PIP4K2A: variants seen among roughly 807,000 people sequenced by gnomAD.
The protein encoded by PIP4K2A is phosphatidylinositol-5-phosphate 4-kinase type 2 alpha, also known as phosphatidylinositol 5-phosphate 4-kinase type-2 alpha.
Under a neutral mutation model 42.9 loss-of-function variants are expected in PIP4K2A, and 14 were observed. The observed-to-expected ratio is 0.33, with a 90% CI of 0.22 to 0.51. The LOEUF (loss-of-function observed/expected upper bound fraction) is 0.51, where lower values mean the gene tolerates loss of function less well. PIP4K2A is among the 20% of genes least tolerant of loss of function. The pLI is 0.97. For synonymous variants in PIP4K2A, 192 were observed against 192.2 expected (o/e 1.00, Z 0.01); for missense variants, 434 against 519.8 (o/e 0.83, Z 1.61).
chr10:22,563,448 A>G (rs566527086), intron 6 of PIP4K2A, among the ~76,000 whole-genome samples: 1 of 152,388 alleles, frequency 6.6e-6, no homozygotes, highest in Non-Finnish European at 1.5e-5. Flanking sequence ...CTAACATAGT[A>G]TGGAAACAAA....
At chr10:22,550,481 C>A (rs141028548) in intron 7 of PIP4K2A, among the ~76,000 whole-genome samples, 178 bp downstream of exon 7, 1 of 152,126 alleles carries the variant, frequency 6.6e-6, no homozygotes, top group African/African-American at 2.4e-5. Context: ...AACTGGCATG[C>A]GTTTGCTTTA....
chr10:22,592,181 A>G (rs1414300300), intron 3 of PIP4K2A, among the ~76,000 whole-genome samples: 1 of 152,208 alleles, frequency 6.6e-6, no homozygotes, highest in African/African-American at 2.4e-5. Flanking sequence ...CGTGCCAAGC[A>G]TTTTGCACAG....
intron 1 of PIP4K2A, among the ~76,000 whole-genome samples, chr10:22,707,512 G>T (rs11013110): frequency 0.41 from 62,493 of 152,028 alleles, 16,013 homozygotes; most frequent in African/African-American, 0.73. Flanking sequence ...GGAAAAACTG[G>T]TTTTCAAGTA....
intron 1 of PIP4K2A, among the ~76,000 whole-genome samples, chr10:22,655,333 T>C (rs1351458027): frequency 6.6e-6 from 1 of 152,150 alleles, no homozygotes; most frequent in African/African-American, 2.4e-5. Context: ...ATGCACAAGA[T>C]GAGATCTTCA....
intron 1 of PIP4K2A, among the ~76,000 whole-genome samples, chr10:22,631,769 T>C (rs1838554573): frequency 6.6e-6 from 1 of 152,222 alleles, no homozygotes; most frequent in Non-Finnish European, 1.5e-5. Flanking sequence ...CAGCAATAAA[T>C]GTTCAATTTT....
intron 1 of PIP4K2A, among the ~76,000 whole-genome samples, chr10:22,675,710 T>A (rs1228881637): frequency 6.6e-6 from 1 of 152,156 alleles, no homozygotes. Flanking sequence ...CCTTAAATGA[T>A]CAATGTAGTA....
chr10:22,664,065 ATATATATATACG>A (rs1426658582), intron 1 of PIP4K2A, among the ~76,000 whole-genome samples: 18 of 86,372 alleles, frequency 2.1e-4, no homozygotes, highest in African/African-American at 7.1e-4. Flanking sequence ...ATATATACAT[ATATATATATACG>A]TATATATATA....
chr10:22,673,600 G>T (rs1160417104), intron 1 of PIP4K2A, among the ~76,000 whole-genome samples: 3 of 151,866 alleles, frequency 2.0e-5, no homozygotes, highest in African/African-American at 7.3e-5. Context: ...TTCCTGTTCT[G>T]CTCCTGCAGC....
intron 4 of PIP4K2A, among the ~76,000 whole-genome samples, chr10:22,577,026 C>T (rs898035452): frequency 3.4e-5 from 5 of 148,718 alleles, no homozygotes; most frequent in African/African-American, 1.3e-4. Context: ...TGCAGTGAGC[C>T]GAGATTGCGC....
chr10:22,714,444 T>G lies in PIP4K2A; in HGVS notation c.-118A>C. 1 of 577,982 alleles carries G rather than the reference T, an allele frequency of 1.7e-6. No homozygotes were observed. The highest frequency in any genetic ancestry group is 2.2e-6 in the Non-Finnish European group (1 of 455,422). The allele number at this position is 577,982 out of a possible 1,614,324, so 35.8% of individuals were successfully genotyped here. ...CGGCGGCGGCCCCGGCGCGCCGCGCTCCGCTCCGCCCGCCGCCGCCGGCGC... is the reference window on the plus strand; with the variant it reads ...CGGCGGCGGCCCCGGCGCGCCGCGCGCCGCTCCGCCCGCCGCCGCCGGCGC... On this transcript the variant is annotated 5_prime_UTR_variant, in exon 1 of 10. Transcript: ENST00000376573.
chr10:22,625,627 A>T (rs1041220509), intron 1 of PIP4K2A, among the ~76,000 whole-genome samples: 7 of 152,160 alleles, frequency 4.6e-5, no homozygotes, highest in Non-Finnish European at 8.8e-5. Context: ...AAAACAAAAC[A>T]GTCCCCAGGT....
chr10:22,539,924 A>T, intron 9 of PIP4K2A, 47 bp downstream of exon 9: 1 of 950,096 alleles, frequency 1.1e-6, no homozygotes. Flanking sequence ...AGAGAGAGAG[A>T]GAGAGAGGGA....
intron 7 of PIP4K2A, among the ~76,000 whole-genome samples, chr10:22,542,951 T>C (rs1444948729): frequency 6.6e-6 from 1 of 152,080 alleles, no homozygotes; most frequent in African/African-American, 2.4e-5. Flanking sequence ...TCCAGGAAGG[T>C]TCACGGTCCT....
intron 3 of PIP4K2A, among the ~76,000 whole-genome samples, chr10:22,606,668 A>G (rs1312722007): frequency 6.6e-6 from 1 of 152,230 alleles, no homozygotes; most frequent in Non-Finnish European, 1.5e-5. Context: ...CCTATTCTTC[A>G]GAGGAAAATA....
chr10:22,669,503 G>A (rs1296969774), intron 1 of PIP4K2A, among the ~76,000 whole-genome samples: 2 of 152,032 alleles, frequency 1.3e-5, no homozygotes, highest in Non-Finnish European at 2.9e-5. Context: ...AAAACTGTCA[G>A]AAGCAAAAAC....
intron 1 of PIP4K2A, among the ~76,000 whole-genome samples, chr10:22,683,944 C>T (rs999090965): frequency 4.6e-5 from 7 of 152,018 alleles, no homozygotes; most frequent in African/African-American, 1.5e-4. Flanking sequence ...CGCTTCCTTG[C>T]CCGGAACGTT....
intron 1 of PIP4K2A, among the ~76,000 whole-genome samples, chr10:22,686,331 G>A (rs756846897): frequency 1.3e-5 from 2 of 152,170 alleles, no homozygotes; most frequent in African/African-American, 2.4e-5. Context: ...ATTTGAGAGA[G>A]GGGACTTTAA....
In PIP4K2A at chr10:22,609,727, T is replaced by C; in HGVS notation, c.145-10A>G. On this transcript the variant is annotated splice_polypyrimidine_tract_variant and intron_variant, in intron 1 of 9. Transcript: ENST00000376573. ...GGCTCAGTTCATTGATCTGGAAAAA[T>C]ATAAAATAAATAGCATGGGTTATTA... 6.5e-7 allele frequency: 1 copy of C among 1,526,930 alleles called. No individual in the cohort carries two copies. The allele number at this position is 1,526,930 out of a possible 1,614,324, so 94.6% of individuals were successfully genotyped here.
chr10:22,579,450 T>A (rs1262273589), intron 4 of PIP4K2A, among the ~76,000 whole-genome samples: 2 of 152,202 alleles, frequency 1.3e-5, no homozygotes, highest in African/African-American at 2.4e-5. Flanking sequence ...TGATAAATGG[T>A]GTTCTCCACA....
Sources: gnomAD v4.1 joint callset for allele counts (sites outside exome capture counted in the v4.1 genomes callset) on GRCh38, gnomAD v4.1.1 for gene constraint, MANE v1.5 for transcripts, NCBI Gene and HGNC (gene_info 2026-07-23, HGNC 2026-07-21) for gene names.